HEATR4: variants seen among roughly 807,000 people sequenced by gnomAD.
The protein encoded by HEATR4 is HEAT repeat-containing protein 4.
HEATR4 carries 95 observed loss-of-function variants against 108.8 expected under a neutral mutation model. The observed-to-expected ratio is 0.87, with a 90% CI of 0.74 to 1.04. The LOEUF is 1.04. Among genes scored for constraint, HEATR4 ranks in the 50% least tolerant of loss-of-function variants. The pLI is 0.00. For missense variants in HEATR4, 1,152 were observed against 1,253.8 expected (o/e 0.92, Z 1.23); for synonymous variants, 443 against 459.4 (o/e 0.96, Z 0.46).
intron 2 of HEATR4, among the ~76,000 whole-genome samples, 169 bp from the exon 3 acceptor site, chr14:73,523,393 C>G (rs546747475): frequency 2.6e-5 from 4 of 152,308 alleles, no homozygotes; most frequent in African/African-American, 9.6e-5. Context: ...CTAAATATTT[C>G]ATGTATCAGA....
chr14:73,565,763 T>TG, the HEATR4 span, among the ~76,000 whole-genome samples: 1 of 151,914 alleles, frequency 6.6e-6, no homozygotes, highest in Non-Finnish European at 1.5e-5. Flanking sequence ...CAGACCTTGG[T>TG]GGTGAGTGTT....
the HEATR4 span, among the ~76,000 whole-genome samples, chr14:73,609,766 G>A: frequency 2.6e-5 from 4 of 151,660 alleles, no homozygotes; most frequent in African/African-American, 4.8e-5. Flanking sequence ...TCAGCCTCCC[G>A]AGTAGCTGGG....
At chr14:73,569,717 C>T in the HEATR4 span, 1 of 1,609,346 alleles carries the variant, frequency 6.2e-7, no homozygotes, top group East Asian at 2.2e-5. Flanking sequence ...TGAAGCGCGA[C>T]GTGCGAACGC....
At chr14:73,485,868 CA>C (rs60903942) in intron 17 of HEATR4, among the ~76,000 whole-genome samples, 55,127 of 146,346 alleles carry the variant, frequency 0.38, 10,581 homozygotes, top group East Asian at 0.5. Flanking sequence ...GACTCTGTCT[CA>C]AAAAAAAAAA....
the HEATR4 span, among the ~76,000 whole-genome samples, chr14:73,610,586 C>T: frequency 2.6e-4 from 40 of 152,022 alleles, no homozygotes; most frequent in Non-Finnish European, 3.4e-4. Context: ...CCACCGTGCC[C>T]GACCAAGGTG....
At chr14:73,512,221 C>T (rs1887314228) in intron 6 of HEATR4, 72 bp from the exon 7 acceptor site, 1 of 1,544,396 alleles carries the variant, frequency 6.5e-7, no homozygotes, top group South Asian at 1.2e-5. Context: ...AGGCAGGTGA[C>T]AAGAAGTCTG....
At chr14:73,592,388 G>A in the HEATR4 span, 1 of 1,551,182 alleles carries the variant, frequency 6.4e-7, no homozygotes, top group Non-Finnish European at 8.7e-7. Context: ...GAGCGGGCCG[G>A]GTGCGCGCCA....
At chr14:73,604,291 A>G in the HEATR4 span, among the ~76,000 whole-genome samples, 3 of 149,738 alleles carry the variant, frequency 2.0e-5, no homozygotes, top group African/African-American at 7.4e-5. Context: ...CAGCCTCCCA[A>G]GTAGCTGGGA....
chr14:73,626,000 C>T, the HEATR4 span, among the ~76,000 whole-genome samples: 2 of 152,210 alleles, frequency 1.3e-5, no homozygotes, highest in Non-Finnish European at 2.9e-5. Flanking sequence ...GGCCTCTTCC[C>T]CTAAGCAGTT....
Position 73,558,739 on chromosome 14 carries a change from A to G in HEATR4, c.-152+12T>C, listed in dbSNP as rs1889450237. Reference sequence around the variant, plus strand: ...GATCACCATACTGCTTGGTATCTAAAGTAGTACTGACCCTTTTGACACCTA... The same window carrying G: ...GATCACCATACTGCTTGGTATCTAAGGTAGTACTGACCCTTTTGACACCTA... On this transcript the variant is annotated intron_variant, in intron 1 of 17. Coordinates refer to ENST00000553558, the MANE Select transcript of HEATR4 (RefSeq NM_001220484.1). 1 of 151,384 alleles carries G rather than the reference A, an allele frequency of 6.6e-6. No homozygotes were observed. Among genetic ancestry groups the G allele is most frequent in the South Asian group, 2.1e-4 (1 of 4,774 alleles). 9.4% of individuals were successfully genotyped at this position (151,384 alleles called of 1,614,324 possible).
In HEATR4 at chr14:73,538,804, C is replaced by T. The variant is rs183706243; in HGVS notation, c.-151-8560G>A. 1.8e-5 allele frequency among the ~76,000 whole-genome samples: 2 copies of T among 112,440 alleles called. 1 individual carries two copies. Among genetic ancestry groups the T allele is most frequent in the East Asian group, 1.4e-3 (2 of 1,400 alleles). 73.8% of individuals were successfully genotyped at this position (112,440 alleles called of 152,430 possible). A position where few individuals can be genotyped will look rare whatever the true frequency, so the allele number is the denominator to read the frequency against. On this transcript the variant is annotated intron_variant, in intron 1 of 17. Transcript: ENST00000553558. ...CCAACATGGTGAAACCCCGTCTCTA[C>T]TAAAAATACAAAAATTAGCCAGGTG...
At chr14:73,564,604 T>C in the HEATR4 span, among the ~76,000 whole-genome samples, 1 of 151,762 alleles carries the variant, frequency 6.6e-6, no homozygotes, top group African/African-American at 2.4e-5. Flanking sequence ...AGACACCCCG[T>C]CTTAAAAAAC....
In HEATR4 at chr14:73,541,786, A is replaced by G. The variant is rs1362959616; in HGVS notation, c.-151-11542T>C. Reference sequence around the variant, plus strand: ...TCACAGAAGTTAGCTCATTCATGACAGCCATTCCCTACCCCAACACACACT... The same window carrying G: ...TCACAGAAGTTAGCTCATTCATGACGGCCATTCCCTACCCCAACACACACT... On this transcript the variant is annotated intron_variant, in intron 1 of 17. Transcript: ENST00000553558. The G allele has an allele frequency of 2.2e-4, 187 of 851,550 alleles. 44 individuals carry two copies. The highest frequency in any genetic ancestry group is 3.1e-4 in the Non-Finnish European group (178 of 582,436). The allele number at this position is 851,550 out of a possible 1,614,324, so 52.7% of individuals were successfully genotyped here.
chr14:73,559,412 A>T (rs1356299159), upstream of HEATR4, among the ~76,000 whole-genome samples: 8 of 151,584 alleles, frequency 5.3e-5, no homozygotes, highest in African/African-American at 1.9e-4. Context: ...GAGCCACCAC[A>T]CCTAGCCTCT....
the HEATR4 span, among the ~76,000 whole-genome samples, chr14:73,620,547 C>G: frequency 1.3e-5 from 2 of 152,020 alleles, no homozygotes; most frequent in Non-Finnish European, 2.9e-5. Flanking sequence ...CACTCGATTG[C>G]CTTAAGGAAT....
chr14:73,630,082 A>G, the HEATR4 span, among the ~76,000 whole-genome samples: 2 of 152,176 alleles, frequency 1.3e-5, no homozygotes, highest in Non-Finnish European at 2.9e-5. Context: ...ATGATTGGAC[A>G]AAAAGGGTAC....
the HEATR4 span, among the ~76,000 whole-genome samples, chr14:73,571,844 C>G: frequency 2.6e-5 from 4 of 152,078 alleles, no homozygotes; most frequent in Non-Finnish European, 5.9e-5. Context: ...AGGAAAACCT[C>G]TTCCTGTCAA....
chr14:73,529,379 T>TAAAAA (rs1566845781), intron 2 of HEATR4, among the ~76,000 whole-genome samples: 1 of 116,788 alleles, frequency 8.6e-6, no homozygotes, highest in Non-Finnish European at 1.8e-5. Context: ...AAAAAAAAAT[T>TAAAAA]AAGTCAATCC....
chr14:73,563,919 T>G (rs1490389074), upstream of HEATR4, among the ~76,000 whole-genome samples: 1 of 151,934 alleles, frequency 6.6e-6, no homozygotes, highest in Non-Finnish European at 1.5e-5. Flanking sequence ...GAGGATCCTT[T>G]GAACCCAGGA....
Sources: allele counts gnomAD v4.1 joint callset (sites outside exome capture counted in the v4.1 genomes callset), GRCh38; gene constraint gnomAD v4.1.1; transcripts MANE v1.5; gene names NCBI Gene and HGNC (gene_info 2026-07-23, HGNC 2026-07-21).